SIAE: variants seen among roughly 807,000 people sequenced by gnomAD.
SIAE encodes the protein sialate O-acetylesterase.
A neutral mutation model predicts 52.6 loss-of-function variants in SIAE; 39 were observed. The observed-to-expected ratio is 0.74, with a 90% CI of 0.57 to 0.97. The LOEUF is 0.97. Among genes scored for constraint, SIAE ranks in the 50% least tolerant of loss-of-function variants. SIAE has a pLI of 0.00. For missense variants in SIAE, 592 were observed against 662.1 expected, an observed-to-expected ratio of 0.89 and a Z score of 1.16; for synonymous variants, 233 against 241.4, an observed-to-expected ratio of 0.97 and a Z score of 0.32.
Position 124,670,870 on chromosome 11 carries a change from A to G in SIAE, c.68-1349T>C, listed in dbSNP as rs1291224922. Among the ~76,000 whole-genome samples the G allele has an allele frequency of 6.6e-6, 1 of 152,188 alleles. No individual in the cohort carries two copies. Among genetic ancestry groups the G allele is most frequent in the Non-Finnish European group, 1.5e-5 (1 of 68,034 alleles). On this transcript the variant is annotated intron_variant, in intron 1 of 9. Coordinates refer to ENST00000263593, the MANE Select transcript of SIAE (RefSeq NM_170601.5). The surrounding 1 kb of genome is among the most constrained non-coding windows in gnomAD (Gnocchi z 4.5). Reference sequence around the variant, plus strand: ...CAAAATGCTCTAAGAAAAGAATACAACGCCCCAGAATTGCATAAGCAGGTT... The same window carrying G: ...CAAAATGCTCTAAGAAAAGAATACAGCGCCCCAGAATTGCATAAGCAGGTT...
intron 2 of SIAE, among the ~76,000 whole-genome samples, chr11:124,664,257 G>C (rs921865623): frequency 2.7e-5 from 4 of 150,850 alleles, no homozygotes; most frequent in Admixed American, 2.6e-4. Flanking sequence ...TTTTGAGACA[G>C]AGTCTCACTC....
intron 1 of SIAE, among the ~76,000 whole-genome samples, chr11:124,671,213 T>G (rs183692969): frequency 3.0e-4 from 46 of 152,324 alleles, no homozygotes; most frequent in African/African-American, 1.1e-3. Flanking sequence ...AACACGCTAC[T>G]TACTGATCAA....
chr11:124,659,894 T>C (rs1451061282), intron 3 of SIAE: 3 of 152,496 alleles, frequency 2.0e-5, no homozygotes, highest in East Asian at 3.9e-4. Flanking sequence ...ACAAACATAT[T>C]GTATTTCATA....
intron 5 of SIAE, among the ~76,000 whole-genome samples, chr11:124,649,001 A>G (rs1226577848): frequency 6.6e-6 from 1 of 152,220 alleles, no homozygotes; most frequent in East Asian, 1.9e-4. Flanking sequence ...TGATGTTAGT[A>G]TCGGGATTTG....
Position 124,637,048 on chromosome 11 carries a change from C to A in SIAE, c.1475G>T (p.Cys492Phe). Reference protein sequence around the residue: ...WTTWPCEYKQCPLYHPSSALP... With the variant: ...WTTWPCEYKQFPLYHPSSALP... ...GGCACTACTGGGGTGGTATAGGGGA[C>A]ACTGCTTATATTCACAAGGCCACGT... The change falls in exon 10 of 10, where the codon TGT becomes TTT. Residue 492 changes from cysteine (C) to phenylalanine (F), a missense_variant. Transcript: ENST00000263593. 1 of 1,614,136 alleles carries A rather than the reference C, an allele frequency of 6.2e-7. No homozygotes were observed. Among genetic ancestry groups the A allele is most frequent in the Non-Finnish European group, 8.5e-7 (1 of 1,180,020 alleles).
At chr11:124,646,071 C>T (rs1265319706) in intron 7 of SIAE, among the ~76,000 whole-genome samples, 1 of 152,156 alleles carries the variant, frequency 6.6e-6, no homozygotes, top group East Asian at 1.9e-4. Context: ...TATCACCTTA[C>T]TTGTTTGATT....
chr11:124,650,443 T>A (rs187669297), intron 4 of SIAE, among the ~76,000 whole-genome samples: 74 of 152,304 alleles, frequency 4.9e-4, no homozygotes, highest in Non-Finnish European at 5.7e-4. Flanking sequence ...TGTGTATTTC[T>A]TCTTTTTTCT....
At chr11:124,660,533 A>G in intron 3 of SIAE, 95 bp downstream of exon 3, 1 of 1,290,174 alleles carries the variant, frequency 7.8e-7, no homozygotes, top group Non-Finnish European at 1.1e-6. Context: ...ACTAAATAGA[A>G]ACAGCCCTGC....
intron 3 of SIAE, among the ~76,000 whole-genome samples, chr11:124,657,544 C>T (rs560839066): frequency 9.2e-5 from 14 of 152,338 alleles, no homozygotes; most frequent in African/African-American, 3.4e-4. Flanking sequence ...AGACCCGTTG[C>T]TAACACTGTA....
At chr11:124,647,335 T>C (rs985901067) in intron 7 of SIAE, 30 bp downstream of exon 7, 4 of 1,614,006 alleles carry the variant, frequency 2.5e-6, no homozygotes, top group South Asian at 1.1e-5. Context: ...GGTGTTGACA[T>C]GAACAGAGAA....
At position 124,638,628 on chromosome 11, in the gene SIAE, T is replaced by C; in HGVS notation, c.1234A>G (p.Ile412Val). 3.7e-6 allele frequency: 6 copies of C among 1,614,182 alleles called. No individual in the cohort carries two copies. The highest frequency in any genetic ancestry group is 5.1e-6 in the Non-Finnish European group (6 of 1,180,040). ...LTFEGPLPEKIELLAHKGLLN... is the reference protein window; with the variant it reads ...LTFEGPLPEKVELLAHKGLLN... Reference sequence around the variant, plus strand: ...AGCCCCTTGTGAGCCAAGAGTTCTATCTTCTCAGGCAGTGGTCCTTCAAAG... The same window carrying C: ...AGCCCCTTGTGAGCCAAGAGTTCTACCTTCTCAGGCAGTGGTCCTTCAAAG... The change falls in exon 9 of 10, where the codon ATA (isoleucine) becomes GTA (valine). Residue 412 changes from isoleucine to valine, a missense_variant. Coordinates refer to ENST00000263593, the MANE Select transcript of SIAE (RefSeq NM_170601.5).
chr11:124,660,864 A>G (rs1943177831), intron 2 of SIAE, 61 bp from the exon 3 acceptor site: 11 of 1,580,110 alleles, frequency 7.0e-6, no homozygotes, highest in Admixed American at 3.3e-5. Context: ...TCAAAGCCCA[A>G]TTATACTCAT....
chr11:124,637,770 G>A (rs1942775425), intron 9 of SIAE, among the ~76,000 whole-genome samples: 2 of 152,200 alleles, frequency 1.3e-5, no homozygotes. Flanking sequence ...GCTAAGTGGG[G>A]TAAGTGCCAA....
intron 4 of SIAE, among the ~76,000 whole-genome samples, chr11:124,650,649 T>A (rs554220326): frequency 2.6e-5 from 4 of 152,218 alleles, no homozygotes; most frequent in African/African-American, 9.6e-5. Context: ...GGTGGGCACC[T>A]GTAATCCCAG....
chr11:124,664,072 T>C (rs1172807702), intron 2 of SIAE, among the ~76,000 whole-genome samples: 2 of 152,148 alleles, frequency 1.3e-5, no homozygotes, highest in Admixed American at 1.3e-4. Flanking sequence ...TTAATTTCCT[T>C]CCTTCATTAT....
Position 124,673,738 on chromosome 11 carries a change from C to A in SIAE, c.-30G>T, listed in dbSNP as rs760475896. On this transcript the variant is annotated 5_prime_UTR_variant, in exon 1 of 10. Transcript: ENST00000263593. ...GCAAGGATCTGACCGCCGCCTAGGA[C>A]TGGGAAAGTGGGTTCCCGGCAGGGG... 3.7e-6 allele frequency: 6 copies of A among 1,610,390 alleles called. No homozygotes were observed. Among genetic ancestry groups the A allele is most frequent in the Non-Finnish European group, 5.1e-6 (6 of 1,178,634 alleles).
intron 7 of SIAE, among the ~76,000 whole-genome samples, chr11:124,646,100 C>A (rs1022342637): frequency 6.6e-6 from 1 of 152,278 alleles, no homozygotes; most frequent in Non-Finnish European, 1.5e-5. Context: ...TCTAGAAAAA[C>A]CAGCACTACC....
At chr11:124,651,547 CAA>C (rs35688416) in intron 4 of SIAE, among the ~76,000 whole-genome samples, 14,367 of 81,532 alleles carry the variant, frequency 0.18, 2,209 homozygotes, top group African/African-American at 0.41. Flanking sequence ...GACTCCGTCT[CAA>C]AAAAAAAAAA....
At chr11:124,638,305 A>T (rs1445608949) in intron 9 of SIAE, among the ~76,000 whole-genome samples, 2 of 152,226 alleles carry the variant, frequency 1.3e-5, no homozygotes, top group Non-Finnish European at 2.9e-5. Flanking sequence ...GAAATTAAAA[A>T]TTTTTTAAAG....
Sources: gnomAD v4.1 joint callset for allele counts (sites outside exome capture counted in the v4.1 genomes callset) on GRCh38, gnomAD v4.1.1 for gene constraint, Gnocchi (gnomAD v3.1) non-coding constraint, MANE v1.5 for transcripts, NCBI Gene and HGNC (gene_info 2026-07-23, HGNC 2026-07-21) for gene names.